Variants in NMNAT3 observed in about 807,000 individuals in gnomAD.
The protein encoded by NMNAT3 is nicotinamide/nicotinic acid mononucleotide adenylyltransferase 3.
NMNAT3 carries 21 observed loss-of-function variants against 24.8 expected under a neutral mutation model. That is an observed-to-expected ratio of 0.85 (90% CI 0.60 to 1.22). The LOEUF is 1.22. Ranked by LOEUF, NMNAT3 falls within the 50% of genes most tolerant of loss-of-function variation. The pLI is 0.00. For synonymous variants in NMNAT3, 136 were observed against 155.2 expected, an observed-to-expected ratio of 0.88 and a Z score of 0.92; for missense variants, 387 against 436.6, an observed-to-expected ratio of 0.89 and a Z score of 1.01.
At chr3:139,660,643 C>G (rs1576773639) in intron 1 of NMNAT3, among the ~76,000 whole-genome samples, 1 of 152,190 alleles carries the variant, frequency 6.6e-6, no homozygotes, top group African/African-American at 2.4e-5. Context: ...AACCTGGCCT[C>G]CTGATTAGCA....
chr3:139,589,721 TA>T (rs547991004), intron 3 of NMNAT3, among the ~76,000 whole-genome samples: 1,640 of 152,300 alleles, frequency 0.011, 16 homozygotes, highest in Middle Eastern at 0.054. Context: ...AAAAGCCATT[TA>T]AAAAATGTAA....
rs528456325 is a variant in NMNAT3 at position 139,583,061 on chromosome 3, C to G, written c.257G>C (p.Arg86Pro). 88 of 1,606,792 alleles carry G rather than the reference C, an allele frequency of 5.5e-5. 2 individuals are homozygous for G. The South Asian group carries it at 7.4e-4, about 13-fold the overall frequency. The stretch of plus-strand genomic sequence containing the variant: ...GAACGCTTGTTCTTCAGTTCTTTTG[C>G]GTTTAAAAGATGACTTGTCAGGGTC... Residue 86 changes from arginine (R) to proline (P), a missense_variant, in exon 4 of 7, where the codon CGC becomes CCC. Arg to Pro is a moderately radical substitution (Grantham distance 103). Transcript: ENST00000643695.
At chr3:139,666,037 A>T (rs1279388453) in intron 1 of NMNAT3, among the ~76,000 whole-genome samples, 1 of 152,280 alleles carries the variant, frequency 6.6e-6, no homozygotes, top group East Asian at 1.9e-4. Context: ...AAAATTTAAT[A>T]AATAAAACAG....
intron 6 of NMNAT3, chr3:139,572,016 G>A (rs1938453154): frequency 2.5e-6 from 1 of 397,586 alleles, no homozygotes. Context: ...GCCCAGAAAT[G>A]TCTCCAACCT....
chr3:139,622,679 G>A (rs2055835953), intron 3 of NMNAT3, among the ~76,000 whole-genome samples: 1 of 149,816 alleles, frequency 6.7e-6, no homozygotes, highest in Admixed American at 6.7e-5. Context: ...AGGTTGCTGT[G>A]AGCTGAGATC....
At position 139,594,231 on chromosome 3, in the gene NMNAT3, C is replaced by G. The variant is rs549521366; in HGVS notation, c.110-11023G>C. On this transcript the variant is annotated intron_variant, in intron 3 of 6. Coordinates refer to ENST00000643695, the MANE Select transcript of NMNAT3 (RefSeq NM_001320510.2). ...ATCTAGAAGAAATGGATAAATTCCT[C>G]GACACATACACTCTCCCAAGACTAA... 1.1e-4 allele frequency among the ~76,000 whole-genome samples: 17 copies of G among 152,196 alleles called. 1 individual carries two copies. Among genetic ancestry groups the G allele is most frequent in the Admixed American group, 1.0e-3 (16 of 15,286 alleles).
chr3:139,666,603 C>G (rs966200780), intron 1 of NMNAT3, among the ~76,000 whole-genome samples: 4 of 152,154 alleles, frequency 2.6e-5, no homozygotes. Context: ...TTCCAAATCT[C>G]CTCTTCCTGC....
rs909277800 is a variant in NMNAT3, at chr3:139,562,269, A to C, written c.659-877T>G. Among the ~76,000 whole-genome samples, 4 of 152,164 alleles carry C rather than the reference A, an allele frequency of 2.6e-5. No individual in the cohort carries two copies. The South Asian group carries it at 6.2e-4, about 24-fold the overall frequency. ...GCCATCCTCCAGGTGTGGCATTTGT[A>C]ACTGCTGGGTTCTGCTGCTGCCTGC... On this transcript the variant is annotated intron_variant, in intron 6 of 6. Transcript: ENST00000643695.
At chr3:139,583,800 G>A (rs562028015) in intron 3 of NMNAT3, among the ~76,000 whole-genome samples, 2 of 152,358 alleles carry the variant, frequency 1.3e-5, no homozygotes, top group African/African-American at 4.8e-5. Flanking sequence ...TGCACTGCGA[G>A]TCCTCGAACA....
At chr3:139,585,645 T>C (rs899516383) in intron 3 of NMNAT3, among the ~76,000 whole-genome samples, 1 of 152,238 alleles carries the variant, frequency 6.6e-6, no homozygotes, top group Admixed American at 6.5e-5. Context: ...AACTCATGAA[T>C]AACCTGAAAT....
Position 139,582,944 on chromosome 3 carries a change from G to A in NMNAT3, c.374C>T (p.Thr125Ile). 6.6e-7 allele frequency: 1 copy of A among 1,511,728 alleles called. No individual in the cohort carries two copies. The highest frequency in any genetic ancestry group is 8.8e-7 in the Non-Finnish European group (1 of 1,131,138). The allele number at this position is 1,511,728 out of a possible 1,614,324, so 93.6% of individuals were successfully genotyped here. The change falls in exon 4 of 7, where the codon ACT becomes ATT. Residue 125 changes from threonine (T) to isoleucine (I), a missense_variant. Physicochemically the swap from Thr to Ile is moderately conservative, Grantham distance 89 (BLOSUM62 -1). Coordinates refer to ENST00000643695, the MANE Select transcript of NMNAT3 (RefSeq NM_001320510.2). Reference sequence around the variant, plus strand: ...TTTTTTACCTTGAAGTCGCTCATCAGTGAATATTTTGTTTGTTTGGTTCCA... The same window carrying A: ...TTTTTTACCTTGAAGTCGCTCATCAATGAATATTTTGTTTGTTTGGTTCCA...
chr3:139,622,954 A>C (rs1211476464), intron 3 of NMNAT3, among the ~76,000 whole-genome samples: 1 of 148,380 alleles, frequency 6.7e-6, no homozygotes, highest in Non-Finnish European at 1.5e-5. Context: ...AGTAAATGTG[A>C]AGGACTACAG....
Position 139,630,580 on chromosome 3 carries a change from C to T in NMNAT3, c.-40-2816G>A, listed in dbSNP as rs147231329. 6.0e-3 allele frequency among the ~76,000 whole-genome samples: 906 copies of T among 152,258 alleles called. 12 individuals carry two copies. Among genetic ancestry groups the T allele is most frequent in the African/African-American group, 0.02 (841 of 41,554 alleles). ...TTTTCTCCTTCTTGGGATTTCAGCT[C>T]GAAGCACAGAGCCTGGCCCAGAGTA... On this transcript the variant is annotated intron_variant, in intron 2 of 6. Coordinates refer to ENST00000643695, the MANE Select transcript of NMNAT3 (RefSeq NM_001320510.2).
chr3:139,641,655 A>G (rs2108357782), intron 1 of NMNAT3, among the ~76,000 whole-genome samples: 1 of 152,334 alleles, frequency 6.6e-6, no homozygotes, highest in East Asian at 1.9e-4. Flanking sequence ...GCCCACAGAC[A>G]TCCAACTCAT....
intron 5 of NMNAT3, among the ~76,000 whole-genome samples, chr3:139,577,125 C>CAAA (rs34969251): frequency 4.2e-5 from 6 of 142,034 alleles, no homozygotes; most frequent in Non-Finnish European, 6.1e-5. Context: ...GACCCTATCT[C>CAAA]AAAAAAAAAA....
chr3:139,578,807 C>T, intron 5 of NMNAT3, 65 bp downstream of exon 5: 1 of 1,435,562 alleles, frequency 7.0e-7, no homozygotes, highest in Middle Eastern at 1.9e-4. Context: ...TACCTTTTAC[C>T]CTGTAAGCTC....
chr3:139,633,030 G>A (rs2056359504), intron 2 of NMNAT3, among the ~76,000 whole-genome samples: 1 of 152,104 alleles, frequency 6.6e-6, no homozygotes, highest in Non-Finnish European at 1.5e-5. Context: ...TGCTAGGAAG[G>A]GGCCATGAAC....
chr3:139,656,669 G>A (rs2057254380), intron 1 of NMNAT3, among the ~76,000 whole-genome samples: 1 of 152,100 alleles, frequency 6.6e-6, no homozygotes, highest in South Asian at 2.1e-4. Context: ...GTGCATGCTT[G>A]TAGTCCCAGC....
intron 6 of NMNAT3, chr3:139,568,047 A>G (rs1448900194): frequency 4.6e-5 from 7 of 152,048 alleles, no homozygotes; most frequent in African/African-American, 1.7e-4. Flanking sequence ...CAGAGATTCA[A>G]CTTCTTCCTG....
Sources: gnomAD v4.1 joint callset for allele counts (sites outside exome capture counted in the v4.1 genomes callset) on GRCh38, gnomAD v4.1.1 for gene constraint, MANE v1.5 for transcripts, NCBI Gene and HGNC (gene_info 2026-07-23, HGNC 2026-07-21) for gene names.